NPC1: variants seen among roughly 807,000 people sequenced by gnomAD.
The protein encoded by NPC1 is Niemann-Pick C1 protein.
Under a neutral mutation model 140.4 loss-of-function variants are expected in NPC1, and 85 were observed. The observed-to-expected ratio is 0.61, with a 90% CI of 0.51 to 0.72. The LOEUF is 0.72. Ranked by LOEUF, NPC1 falls within the 30% of genes least tolerant of loss-of-function variation. The pLI, the probability that NPC1 is intolerant of heterozygous loss-of-function variation, is 0.00. For synonymous variants in NPC1, 656 were observed against 624.8 expected (o/e 1.05, Z -0.74); for missense variants, 1,504 against 1,623.8 (o/e 0.93, Z 1.27).
At chr18:23,532,977 G>A (rs2058560956) in intron 24 of NPC1, 2 of 982,144 alleles carry the variant, frequency 2.0e-6, no homozygotes, top group Middle Eastern at 5.2e-4. Flanking sequence ...ATCCATGAGG[G>A]ACATAAAAAG....
intron 3 of NPC1, chr18:23,516,048 TC>T (rs2145187181): frequency 1.2e-6 from 2 of 1,611,014 alleles, no homozygotes; most frequent in Non-Finnish European, 1.7e-6. Flanking sequence ...TGTCCCCTGT[TC>T]CTGTAGCATC....
chr18:23,551,019 G>C (rs993462110), intron 10 of NPC1, among the ~76,000 whole-genome samples: 1 of 152,130 alleles, frequency 6.6e-6, no homozygotes, highest in Non-Finnish European at 1.5e-5. Flanking sequence ...TTCTTAACTG[G>C]TTGGGCAAAA....
chr18:23,524,689 C>G (rs554892968), downstream of NPC1, among the ~76,000 whole-genome samples: 2 of 151,828 alleles, frequency 1.3e-5, no homozygotes, highest in South Asian at 4.2e-4. Flanking sequence ...ATAATTAAAG[C>G]AACAACTAAG....
chr18:23,546,185 G>C (rs1178582376), intron 11 of NPC1, among the ~76,000 whole-genome samples: 3 of 147,272 alleles, frequency 2.0e-5, no homozygotes, highest in East Asian at 2.0e-4. Context: ...GAAGGCAGAG[G>C]CTGCAGCGAG....
At chr18:23,561,859 G>C (rs556177049) in intron 4 of NPC1, among the ~76,000 whole-genome samples, 1 of 152,244 alleles carries the variant, frequency 6.6e-6, no homozygotes, top group African/African-American at 2.4e-5. Context: ...CCAGGAAGAC[G>C]CAGCTAAGAG....
At chr18:23,555,590 G>A (rs1174747684) in intron 8 of NPC1, among the ~76,000 whole-genome samples, 2 of 152,234 alleles carry the variant, frequency 1.3e-5, no homozygotes, top group African/African-American at 4.8e-5. Context: ...GAAAAACCAT[G>A]TGATTATACA....
chr18:23,582,709 G>A (rs2059370169), intron 1 of NPC1, among the ~76,000 whole-genome samples: 1 of 151,824 alleles, frequency 6.6e-6, no homozygotes, highest in South Asian at 2.1e-4. Context: ...GAGGCTTGAT[G>A]TGGGAGAATC....
chr18:23,568,680 C>T (rs2059160265), intron 4 of NPC1, 143 bp downstream of exon 4: 3 of 700,806 alleles, frequency 4.3e-6, no homozygotes, highest in Non-Finnish European at 7.5e-6. Context: ...TCCTAGGATA[C>T]AAGCAAAGCA....
intron 1 of NPC1, chr18:23,576,584 G>T: frequency 1.5e-6 from 1 of 651,184 alleles, no homozygotes; most frequent in Non-Finnish European, 1.9e-6. Flanking sequence ...GAATGAAGCC[G>T]CGGACCCTGG....
At chr18:23,558,102 G>C (rs2058981172) in intron 6 of NPC1, among the ~76,000 whole-genome samples, 1 of 152,222 alleles carries the variant, frequency 6.6e-6, no homozygotes, top group Admixed American at 6.5e-5. Context: ...CAGAGGAAGA[G>C]AGGGAAAGAG....
At chr18:23,562,588 A>G (rs2059059388) in intron 4 of NPC1, among the ~76,000 whole-genome samples, 1 of 152,162 alleles carries the variant, frequency 6.6e-6, no homozygotes, top group South Asian at 2.1e-4. Flanking sequence ...AGAATTCTCA[A>G]CAGATTATTC....
At chr18:23,517,225 C>T (rs1401691148) in intron 3 of NPC1, among the ~76,000 whole-genome samples, 2 of 151,920 alleles carry the variant, frequency 1.3e-5, no homozygotes, top group Non-Finnish European at 2.9e-5. Flanking sequence ...TCTTGGCTCA[C>T]TGCAACCTCC....
rs9963518 is a variant in NPC1, at chr18:23,551,569, A to G, written c.1654+58T>C. 7.1e-3 allele frequency: 9,019 copies of G among 1,278,202 alleles called. 478 individuals are homozygous for G. In the African/African-American group the frequency reaches 0.12, roughly 17 times the overall value. The allele number at this position is 1,278,202 out of a possible 1,614,324, so 79.2% of individuals were successfully genotyped here. A position where few individuals can be genotyped will look rare whatever the true frequency, so the allele number is the denominator to read the frequency against. On this transcript the variant is annotated intron_variant, in intron 10 of 24. Transcript: ENST00000269228. ...ATCTTCATAATTACCACTTGATGCT[A>G]ATGACAAAACCGAGATGACTTTATC...
At chr18:23,507,047 A>G in intron 3 of NPC1, 1 of 1,600,774 alleles carries the variant, frequency 6.2e-7, no homozygotes, top group Non-Finnish European at 8.5e-7. Flanking sequence ...AGGACCTCAA[A>G]GACTGTGGTA....
intron 8 of NPC1, among the ~76,000 whole-genome samples, chr18:23,555,597 T>C (rs185096781): frequency 1.3e-5 from 2 of 152,366 alleles, no homozygotes; most frequent in South Asian, 2.1e-4. Flanking sequence ...CATGTGATTA[T>C]ACATTCATTA....
intron 1 of NPC1, among the ~76,000 whole-genome samples, chr18:23,579,747 G>A (rs780936333): frequency 4.6e-5 from 7 of 152,002 alleles, no homozygotes; most frequent in Non-Finnish European, 8.8e-5. Flanking sequence ...AAAATTAGCC[G>A]GGCATGGTGG....
chr18:23,558,481 T>C (rs2058986966), intron 6 of NPC1, among the ~76,000 whole-genome samples: 1 of 151,986 alleles, frequency 6.6e-6, no homozygotes, highest in South Asian at 2.1e-4. Context: ...TGGAAGGACA[T>C]GCTACAAAAT....
At chr18:23,560,690 G>A (rs1395047052) in intron 5 of NPC1, among the ~76,000 whole-genome samples, 1 of 152,170 alleles carries the variant, frequency 6.6e-6, no homozygotes, top group Non-Finnish European at 1.5e-5. Context: ...GTAGGGGTTT[G>A]TCACTGATAG....
intron 1 of NPC1, chr18:23,577,089 A>G (rs1464442445): frequency 6.6e-6 from 1 of 151,952 alleles, no homozygotes; most frequent in African/African-American, 2.4e-5. Context: ...AAGGTTCTCC[A>G]CGTCCCCATC....
Sources: gnomAD v4.1 joint callset for allele counts (sites outside exome capture counted in the v4.1 genomes callset) on GRCh38, gnomAD v4.1.1 for gene constraint, MANE v1.5 for transcripts, NCBI Gene and HGNC (gene_info 2026-07-23, HGNC 2026-07-21) for gene names.